NUCB2: variants seen among roughly 807,000 people sequenced by gnomAD.
The protein encoded by NUCB2 is nucleobindin 2, also known as nucleobindin-2.
A neutral mutation model predicts 57.9 loss-of-function variants in NUCB2; 48 were observed. The ratio of observed to expected loss-of-function variants is 0.83; its 90% CI spans 0.66 to 1.05. NUCB2 has a LOEUF of 1.05. NUCB2 is among the 50% of genes least tolerant of loss of function. The pLI is 0.00. For missense variants in NUCB2, 442 were observed against 476.2 expected, an observed-to-expected ratio of 0.93 and a Z score of 0.67; for synonymous variants, 139 against 152.1, an observed-to-expected ratio of 0.91 and a Z score of 0.64.
intron 2 of NUCB2, among the ~76,000 whole-genome samples, chr11:17,342,412 C>T (rs961610087): frequency 6.6e-6 from 1 of 151,948 alleles, no homozygotes; most frequent in Non-Finnish European, 1.5e-5. Context: ...GTTAGGGTGT[C>T]AATTTTAGAT....
chr11:17,300,387 T>C (rs1478786603), intron 4 of NUCB2, among the ~76,000 whole-genome samples: 3 of 152,200 alleles, frequency 2.0e-5, no homozygotes, highest in African/African-American at 7.2e-5. Context: ...AATATTTTCA[T>C]TGTTCCCCAA....
chr11:17,284,034 TA>T (rs1335736280), intron 2 of NUCB2, among the ~76,000 whole-genome samples: 1 of 152,212 alleles, frequency 6.6e-6, no homozygotes, highest in Non-Finnish European at 1.5e-5. Context: ...TCCAGACTTT[TA>T]TTTTTTTTGT....
At chr11:17,296,082 C>A in intron 3 of NUCB2, 22 bp from the exon 4 acceptor site, 2 of 1,421,300 alleles carry the variant, frequency 1.4e-6, no homozygotes, top group Non-Finnish European at 2.0e-6. Flanking sequence ...AGAAGCATTA[C>A]TGTTGGTTTC....
intron 11 of NUCB2, among the ~76,000 whole-genome samples, chr11:17,322,798 C>T (rs1392769008): frequency 6.6e-6 from 1 of 151,928 alleles, no homozygotes; most frequent in East Asian, 1.9e-4. Flanking sequence ...GAGATCTTAA[C>T]TTCTTTGGTT....
At chr11:17,302,405 T>G (rs918399051) in intron 5 of NUCB2, among the ~76,000 whole-genome samples, 3 of 152,100 alleles carry the variant, frequency 2.0e-5, no homozygotes, top group African/African-American at 7.2e-5. Context: ...AGTAATCAAT[T>G]AAACAACTGG....
chr11:17,288,552 C>CTTCTTCTTTTTTTTTT (rs1375589442), intron 2 of NUCB2, among the ~76,000 whole-genome samples: 2 of 101,188 alleles, frequency 2.0e-5, no homozygotes, highest in African/African-American at 8.8e-5. Flanking sequence ...TCTTCTTCTT[C>CTTCTTCTTTTTTTTTT]TTTTTTTTTT....
At chr11:17,280,531 A>G (rs1289562381) in intron 1 of NUCB2, among the ~76,000 whole-genome samples, 2 of 152,184 alleles carry the variant, frequency 1.3e-5, no homozygotes, top group Non-Finnish European at 2.9e-5. Flanking sequence ...CTGTTTCATC[A>G]TTAGATTTGT....
At chr11:17,317,575 T>C (rs1185767354) in intron 11 of NUCB2, 1 of 440,670 alleles carries the variant, frequency 2.3e-6, no homozygotes, top group South Asian at 1.6e-5. Flanking sequence ...AGTTGTAATG[T>C]CTTTTTAGTC....
intron 10 of NUCB2, among the ~76,000 whole-genome samples, chr11:17,312,897 G>C (rs1948715469): frequency 6.6e-6 from 1 of 151,300 alleles, no homozygotes. Flanking sequence ...AGTAGAGATG[G>C]GGTTTCACCA....
At chr11:17,303,083 G>T (rs150220981) in intron 5 of NUCB2, among the ~76,000 whole-genome samples, 40 of 152,182 alleles carry the variant, frequency 2.6e-4, no homozygotes, top group South Asian at 6.2e-4. Flanking sequence ...GTCTTGCTGT[G>T]TTGCCCAGGC....
intron 2 of NUCB2, among the ~76,000 whole-genome samples, chr11:17,294,628 G>A (rs1945497247): frequency 6.6e-6 from 1 of 150,590 alleles, no homozygotes; most frequent in Non-Finnish European, 1.5e-5. Flanking sequence ...GTGAAAATGG[G>A]GTTATGTGTT....
At chr11:17,308,802 A>C (rs766154424) in intron 5 of NUCB2, among the ~76,000 whole-genome samples, 1 of 152,240 alleles carries the variant, frequency 6.6e-6, no homozygotes, top group Admixed American at 6.5e-5. Flanking sequence ...TACCTAAATT[A>C]GATTTTTATT....
At chr11:17,339,457 C>T (rs1269650051) in intron 2 of NUCB2, among the ~76,000 whole-genome samples, 2 of 151,388 alleles carry the variant, frequency 1.3e-5, no homozygotes, top group African/African-American at 2.4e-5. Flanking sequence ...CCCATTAACT[C>T]GTCATTTAAC....
At chr11:17,348,979 C>T (rs193105313) in intron 2 of NUCB2, among the ~76,000 whole-genome samples, 44 of 152,068 alleles carry the variant, frequency 2.9e-4, no homozygotes, top group Non-Finnish European at 6.0e-4. Context: ...AGGGTTTCAC[C>T]ATGTTGGCCA....
At chr11:17,295,798 G>C (rs976012079) in intron 3 of NUCB2, among the ~76,000 whole-genome samples, 2 of 152,116 alleles carry the variant, frequency 1.3e-5, no homozygotes, top group African/African-American at 2.4e-5. Context: ...ATTCAAAGCA[G>C]AGGCAGATAA....
In NUCB2 at chr11:17,341,711, A is replaced by G. The variant is rs889346198; in HGVS notation, n.2626+4177A>G. 2.6e-5 allele frequency among the ~76,000 whole-genome samples: 4 copies of G among 151,934 alleles called. 1 individual carries two copies. The highest frequency in any genetic ancestry group is 2.9e-5 in the Non-Finnish European group (2 of 67,980). On this transcript the variant is annotated intron_variant and non_coding_transcript_variant, in intron 2 of 2. Transcript: ENST00000532240. ...AGCTTTTTGATGTGCTGCTGGATTC[A>G]GTTTGCCAGTATTTTATTGAGGATT...
chr11:17,329,361 T>C (rs377754303), intron 11 of NUCB2, among the ~76,000 whole-genome samples: 36 of 152,270 alleles, frequency 2.4e-4, no homozygotes, highest in African/African-American at 8.2e-4. Context: ...AGGAGTTGCC[T>C]AGGAATTACA....
chr11:17,337,376 A>G (rs1951904407), exon 2 of NUCB2: 1 of 152,234 alleles, frequency 6.6e-6, no homozygotes, highest in East Asian at 1.9e-4. Flanking sequence ...AAGAAATTGA[A>G]AAACAGTCAG....
chr11:17,336,753 C>CAAAAAAAAAAAAAA (rs71047542), downstream of NUCB2, among the ~76,000 whole-genome samples: 1 of 47,426 alleles, frequency 2.1e-5, no homozygotes, highest in Non-Finnish European at 3.5e-5. Context: ...GACTCCGTCT[C>CAAAAAAAAAAAAAA]AAAAAAAAAA....
Sources: allele counts gnomAD v4.1 joint callset (sites outside exome capture counted in the v4.1 genomes callset), GRCh38; gene constraint gnomAD v4.1.1; transcripts MANE v1.5; gene names NCBI Gene and HGNC (gene_info 2026-07-23, HGNC 2026-07-21).